The following ANO2 variants were observed in gnomAD, a reference collection of about 807,000 sequenced individuals.
ANO2 encodes the protein anoctamin 2.
In ANO2, 101 loss-of-function variants were observed where a neutral mutation model predicts 124.2. The ratio of observed to expected loss-of-function variants is 0.81; its 90% CI spans 0.69 to 0.96. The LOEUF is 0.96. ANO2 is among the 40% of genes least tolerant of loss of function. The pLI is 0.00. For missense variants in ANO2, 1,293 were observed against 1,274.5 expected, an observed-to-expected ratio of 1.01 and a Z score of -0.22; for synonymous variants, 486 against 482.5, an observed-to-expected ratio of 1.01 and a Z score of -0.09.
intron 14 of ANO2, among the ~76,000 whole-genome samples, chr12:5,664,621 C>A (rs1947611593): frequency 1.3e-5 from 2 of 152,234 alleles, no homozygotes; most frequent in Admixed American, 1.3e-4. Context: ...CCAGGCTTCT[C>A]ATCCAGATCT....
upstream of ANO2, chr12:5,945,276 C>T (rs961126521): frequency 4.0e-6 from 5 of 1,255,260 alleles, no homozygotes; most frequent in South Asian, 1.3e-5. Flanking sequence ...GCTTATGCCG[C>T]CGCGGGGCTA....
intron 1 of ANO2, among the ~76,000 whole-genome samples, chr12:5,939,441 G>A (rs1368438895): frequency 6.6e-6 from 1 of 152,096 alleles, no homozygotes; most frequent in Non-Finnish European, 1.5e-5. Flanking sequence ...AGATGAGTTA[G>A]ATCCATCCTC....
chr12:5,584,034 G>T (rs969790844), intron 20 of ANO2: 1 of 256,892 alleles, frequency 3.9e-6, no homozygotes, highest in Non-Finnish European at 8.4e-6. Context: ...TGGAATTATG[G>T]TTGCACCAGA....
At chr12:5,589,921 G>A (rs995054697) in intron 20 of ANO2, among the ~76,000 whole-genome samples, 14 of 152,224 alleles carry the variant, frequency 9.2e-5, no homozygotes, top group African/African-American at 2.4e-4. Flanking sequence ...CTAGGAGCAC[G>A]GGAACCCTGA....
chr12:5,672,759 C>A (rs1369090670), intron 14 of ANO2, among the ~76,000 whole-genome samples: 1 of 152,048 alleles, frequency 6.6e-6, no homozygotes, highest in Non-Finnish European at 1.5e-5. Context: ...AGGCAAGAGT[C>A]TAGAAATGAA....
intron 3 of ANO2, among the ~76,000 whole-genome samples, chr12:5,888,397 C>T (rs894543730): frequency 1.1e-4 from 16 of 152,092 alleles, no homozygotes; most frequent in Admixed American, 1.0e-3. Flanking sequence ...TGGAAGGGGA[C>T]GCCAGCGGAT....
At chr12:5,670,772 T>C (rs944399575) in intron 14 of ANO2, among the ~76,000 whole-genome samples, 1 of 152,158 alleles carries the variant, frequency 6.6e-6, no homozygotes, top group African/African-American at 2.4e-5. Context: ...ACTCCTGGTC[T>C]CAAGTGATCC....
chr12:5,645,781 A>G (rs1946609153), intron 15 of ANO2, among the ~76,000 whole-genome samples: 1 of 152,114 alleles, frequency 6.6e-6, no homozygotes, highest in African/African-American at 2.4e-5. Context: ...TGATTTTTTG[A>G]GGCCTGGCAT....
intron 15 of ANO2, among the ~76,000 whole-genome samples, chr12:5,646,431 T>G (rs1229290437): frequency 6.6e-6 from 1 of 152,186 alleles, no homozygotes; most frequent in Non-Finnish European, 1.5e-5. Flanking sequence ...GAAGTTTATT[T>G]TTACCTATTT....
At chr12:5,892,103 G>A (rs1409889715) in intron 3 of ANO2, among the ~76,000 whole-genome samples, 6 of 151,426 alleles carry the variant, frequency 4.0e-5, no homozygotes, top group African/African-American at 1.5e-4. Flanking sequence ...TGAACCAAAT[G>A]GGAATTTTAT....
intron 4 of ANO2, among the ~76,000 whole-genome samples, chr12:5,840,188 G>A (rs1043107772): frequency 1.3e-5 from 2 of 152,196 alleles, no homozygotes; most frequent in Non-Finnish European, 2.9e-5. Flanking sequence ...CTGGGTACAT[G>A]ATACGCCTTT....
chr12:5,600,639 A>T (rs141302707), intron 19 of ANO2, among the ~76,000 whole-genome samples: 261 of 152,330 alleles, frequency 1.7e-3, no homozygotes, highest in African/African-American at 5.8e-3. Flanking sequence ...GAGTTATTTC[A>T]TACTTCCCAT....
intron 14 of ANO2, among the ~76,000 whole-genome samples, chr12:5,655,422 C>G (rs1337529829): frequency 1.3e-5 from 2 of 152,306 alleles, no homozygotes; most frequent in East Asian, 3.9e-4. Context: ...CCCAAAGATT[C>G]TAATTCAGTG....
Position 5,599,512 on chromosome 12 carries a change from T to C in ANO2, c.2205A>G (p.Thr735=), listed in dbSNP as rs1591703828. 1.2e-6 allele frequency: 2 copies of C among 1,612,034 alleles called. No homozygotes were observed. Among genetic ancestry groups the C allele is most frequent in the African/African-American group, 1.3e-5 (1 of 74,888 alleles). The change falls in exon 20 of 25, where the codon ACA becomes ACG. Residue 735 remains threonine (T), a synonymous_variant. Transcript: ENST00000682330. ...TTTCCATGTACTCCGGAGTCAGTCC[T>C]GTGTATGGTTCCAAGCTGTAGTCTA... ...WDLDYSLEPY[T]GLTPEYMEMI...
chr12:5,671,947 A>G (rs1009275684), intron 14 of ANO2, among the ~76,000 whole-genome samples: 2 of 152,172 alleles, frequency 1.3e-5, no homozygotes, highest in African/African-American at 4.8e-5. Flanking sequence ...GATATTGCTC[A>G]GTCACCTCTG....
At chr12:5,654,325 G>T (rs1418982527) in intron 14 of ANO2, among the ~76,000 whole-genome samples, 1 of 152,208 alleles carries the variant, frequency 6.6e-6, no homozygotes, top group Non-Finnish European at 1.5e-5. Flanking sequence ...CCTTTATAAG[G>T]AATGGTTGCT....
At chr12:5,923,204 A>C (rs961885207) in intron 1 of ANO2, among the ~76,000 whole-genome samples, 2 of 148,360 alleles carry the variant, frequency 1.3e-5, no homozygotes, top group Admixed American at 6.7e-5. Flanking sequence ...ACGCACGCAC[A>C]CACACCCACA....
intron 4 of ANO2, among the ~76,000 whole-genome samples, chr12:5,844,616 G>T (rs1954622327): frequency 6.6e-6 from 1 of 152,158 alleles, no homozygotes; most frequent in South Asian, 2.1e-4. Context: ...TACTGTACGG[G>T]TGAGAAAGCT....
chr12:5,903,928 T>C (rs943677685), intron 3 of ANO2, among the ~76,000 whole-genome samples: 3 of 152,006 alleles, frequency 2.0e-5, no homozygotes, highest in Non-Finnish European at 4.4e-5. Flanking sequence ...ATGCAAGAGG[T>C]GGTGAGCAGA....
Sources: gnomAD v4.1 joint callset for allele counts (sites outside exome capture counted in the v4.1 genomes callset) on GRCh38, gnomAD v4.1.1 for gene constraint, MANE v1.5 for transcripts, NCBI Gene and HGNC (gene_info 2026-07-23, HGNC 2026-07-21) for gene names.